The following ACOXL variants were observed in gnomAD, a reference collection of about 807,000 sequenced individuals.
ACOXL encodes the protein acyl-coenzyme A oxidase-like protein.
A neutral mutation model predicts 71.9 loss-of-function variants in ACOXL; 70 were observed. That is an observed-to-expected ratio of 0.97 (90% CI 0.80 to 1.19). ACOXL has a LOEUF of 1.19. Among genes scored for constraint, ACOXL ranks in the 50% most tolerant of loss-of-function variants. The pLI is 0.00. For missense variants in ACOXL, 703 were observed against 736.3 expected, an observed-to-expected ratio of 0.95 and a Z score of 0.52; for synonymous variants, 253 against 281.6, an observed-to-expected ratio of 0.90 and a Z score of 1.02.
intron 9 of ACOXL, among the ~76,000 whole-genome samples, chr2:110,835,091 T>G (rs1387187764): frequency 6.6e-6 from 1 of 152,214 alleles, no homozygotes; most frequent in Admixed American, 6.5e-5. Flanking sequence ...GTTTCAATGT[T>G]AGTTCTGTGT....
chr2:111,107,644 A>C (rs113161463), intron 17 of ACOXL, among the ~76,000 whole-genome samples: 85 of 152,276 alleles, frequency 5.6e-4, no homozygotes, highest in Middle Eastern at 3.4e-3. Context: ...ATGTGCCTCC[A>C]CGCCCAGCTA....
intron 9 of ACOXL, among the ~76,000 whole-genome samples, chr2:110,817,202 G>T (rs1688022820): frequency 6.6e-6 from 1 of 152,182 alleles, no homozygotes; most frequent in African/African-American, 2.4e-5. Context: ...GTCTCCCGTG[G>T]GCTAGGCTCT....
intron 15 of ACOXL, among the ~76,000 whole-genome samples, chr2:111,033,851 C>A (rs934331314): frequency 6.6e-6 from 1 of 152,146 alleles, no homozygotes; most frequent in East Asian, 1.9e-4. Context: ...CCACAGATAT[C>A]GCCCTTCCTG....
chr2:110,787,693 G>T (rs1684157846), intron 3 of ACOXL, among the ~76,000 whole-genome samples: 1 of 152,076 alleles, frequency 6.6e-6, no homozygotes. Flanking sequence ...GGTCACATCT[G>T]TTCCACTCTC....
chr2:110,948,314 A>G (rs939893460), intron 12 of ACOXL, among the ~76,000 whole-genome samples: 2 of 152,208 alleles, frequency 1.3e-5, no homozygotes, highest in African/African-American at 4.8e-5. Flanking sequence ...TTGCATAGGG[A>G]ACGCTGAAGC....
chr2:111,005,024 G>T (rs11691621), intron 14 of ACOXL, among the ~76,000 whole-genome samples: 67,686 of 152,038 alleles, frequency 0.45, 15,398 homozygotes, highest in Middle Eastern at 0.53. Flanking sequence ...CTGTTTAACA[G>T]ATTTCTGTTT....
chr2:110,829,654 A>G (rs1239361261), intron 9 of ACOXL, among the ~76,000 whole-genome samples: 2 of 151,580 alleles, frequency 1.3e-5, no homozygotes, highest in East Asian at 3.8e-4. Flanking sequence ...GTGCCCTGCC[A>G]GAAGCCTGGT....
intron 10 of ACOXL, among the ~76,000 whole-genome samples, chr2:110,884,974 T>G (rs1697105309): frequency 6.6e-6 from 1 of 152,168 alleles, no homozygotes; most frequent in African/African-American, 2.4e-5. Flanking sequence ...TTTCCAGGGC[T>G]TTTAATGAAT....
chr2:110,895,327 G>GA (rs1201936059), intron 10 of ACOXL, among the ~76,000 whole-genome samples: 1 of 151,966 alleles, frequency 6.6e-6, no homozygotes, highest in Non-Finnish European at 1.5e-5. Context: ...ACAGAGGAAA[G>GA]AATCAGTAAA....
intron 12 of ACOXL, among the ~76,000 whole-genome samples, chr2:110,952,901 A>G (rs574755157): frequency 6.6e-6 from 1 of 152,186 alleles, no homozygotes; most frequent in Non-Finnish European, 1.5e-5. Flanking sequence ...CATATCAACC[A>G]TGATTTGATA....
intron 14 of ACOXL, among the ~76,000 whole-genome samples, chr2:111,013,357 C>G (rs1280427949): frequency 2.0e-5 from 3 of 151,898 alleles, no homozygotes; most frequent in Non-Finnish European, 4.4e-5. Flanking sequence ...AACCCTGTCT[C>G]TACTAAAAAT....
chr2:110,830,040 T>G (rs1171548194), intron 9 of ACOXL, among the ~76,000 whole-genome samples: 1 of 152,246 alleles, frequency 6.6e-6, no homozygotes, highest in Non-Finnish European at 1.5e-5. Flanking sequence ...AGACAGCATC[T>G]TAAGAGAAAA....
At chr2:110,921,070 A>G (rs2149290331) in intron 11 of ACOXL, among the ~76,000 whole-genome samples, 2 of 152,216 alleles carry the variant, frequency 1.3e-5, no homozygotes, top group Middle Eastern at 3.4e-3. Flanking sequence ...TATTTTATCT[A>G]ATTTGTCAAA....
chr2:110,936,102 A>G (rs1172986274), intron 12 of ACOXL, among the ~76,000 whole-genome samples: 2 of 152,154 alleles, frequency 1.3e-5, no homozygotes, highest in East Asian at 3.9e-4. Flanking sequence ...ATGGTCTGGT[A>G]CTGGTCCATG....
chr2:110,746,677 A>T (rs1184881182), intron 1 of ACOXL, among the ~76,000 whole-genome samples: 1 of 152,090 alleles, frequency 6.6e-6, no homozygotes, highest in Admixed American at 6.5e-5. Flanking sequence ...GAAGGAAATA[A>T]TGTATACAGT....
intron 1 of ACOXL, among the ~76,000 whole-genome samples, chr2:110,747,467 C>T (rs56272335): frequency 0.051 from 7,818 of 152,294 alleles, 310 homozygotes; most frequent in African/African-American, 0.1. Flanking sequence ...GCTGGGGCTG[C>T]ACACCCACTT....
intron 11 of ACOXL, among the ~76,000 whole-genome samples, chr2:110,915,428 A>ATATATTTTTTT (rs1315085098): frequency 1.6e-4 from 17 of 107,998 alleles, no homozygotes; most frequent in African/African-American, 5.7e-4. Context: ...ATATATATAT[A>ATATATTTTTTT]TTTTTTTTTT....
At chr2:111,072,967 A>G (rs1178405329) in intron 16 of ACOXL, among the ~76,000 whole-genome samples, 2 of 152,218 alleles carry the variant, frequency 1.3e-5, no homozygotes, top group Non-Finnish European at 2.9e-5. Flanking sequence ...AGATATATAG[A>G]GGCATCTTAC....
At chr2:110,796,718 G>GA (rs1685329686) in intron 5 of ACOXL, among the ~76,000 whole-genome samples, 1 of 152,170 alleles carries the variant, frequency 6.6e-6, no homozygotes, top group South Asian at 2.1e-4. Context: ...CTCTCCTTGA[G>GA]AAGCCCTGGC....
Sources: gnomAD v4.1 joint callset for allele counts (sites outside exome capture counted in the v4.1 genomes callset) on GRCh38, gnomAD v4.1.1 for gene constraint, MANE v1.5 for transcripts, NCBI Gene and HGNC (gene_info 2026-07-23, HGNC 2026-07-21) for gene names.